The following DLG2 variants were observed in gnomAD, a reference collection of about 807,000 sequenced individuals.
DLG2 encodes disks large homolog 2.
A neutral mutation model predicts 132.5 loss-of-function variants in DLG2; 45 were observed. The ratio of observed to expected loss-of-function variants is 0.34; its 90% CI spans 0.27 to 0.44. DLG2 has a LOEUF of 0.44. DLG2 is among the 20% of genes least tolerant of loss of function. The pLI is 1.00. For missense variants in DLG2, 1,045 were observed against 1,196.9 expected, an observed-to-expected ratio of 0.87 and a Z score of 1.87; for synonymous variants, 424 against 419.6, an observed-to-expected ratio of 1.01 and a Z score of -0.13.
intron 6 of DLG2, among the ~76,000 whole-genome samples, chr11:84,706,773 A>G (rs887529513): frequency 6.6e-6 from 1 of 151,836 alleles, no homozygotes; most frequent in African/African-American, 2.4e-5. Context: ...TCTATTCATT[A>G]TCTCTTACTT....
intron 22 of DLG2, among the ~76,000 whole-genome samples, chr11:83,474,169 G>C (rs541609938): frequency 6.6e-6 from 1 of 152,188 alleles, no homozygotes; most frequent in East Asian, 1.9e-4. Context: ...AGGGGACTCT[G>C]CCACATTGGT....
At chr11:85,463,827 G>A (rs1184512590) in intron 3 of DLG2, among the ~76,000 whole-genome samples, 1 of 151,872 alleles carries the variant, frequency 6.6e-6, no homozygotes, top group Non-Finnish European at 1.5e-5. Flanking sequence ...ACATGAGAGA[G>A]AACTGTGTCA....
intron 6 of DLG2, among the ~76,000 whole-genome samples, chr11:85,105,538 A>G (rs2071594535): frequency 6.6e-6 from 1 of 151,810 alleles, no homozygotes; most frequent in Admixed American, 6.6e-5. Flanking sequence ...TTCTGAGATA[A>G]TTTCCCCTCT....
chr11:84,017,856 T>G (rs1335499436), intron 11 of DLG2, among the ~76,000 whole-genome samples: 1 of 152,020 alleles, frequency 6.6e-6, no homozygotes, highest in East Asian at 1.9e-4. Flanking sequence ...ATATTATCTT[T>G]CAGCTCTTTA....
intron 7 of DLG2, among the ~76,000 whole-genome samples, chr11:84,492,189 G>T (rs911679101): frequency 6.6e-6 from 1 of 152,004 alleles, no homozygotes; most frequent in African/African-American, 2.4e-5. Context: ...TGAATAAAAG[G>T]GTTTTTAAAA....
chr11:84,269,009 C>T (rs1012028191), intron 7 of DLG2, among the ~76,000 whole-genome samples: 1 of 139,138 alleles, frequency 7.2e-6, no homozygotes, highest in African/African-American at 2.7e-5. Context: ...TGTTTTATTT[C>T]TTTTGTTTTG....
intron 19 of DLG2, among the ~76,000 whole-genome samples, chr11:83,602,688 C>T (rs2058740807): frequency 6.6e-6 from 1 of 152,110 alleles, no homozygotes; most frequent in African/African-American, 2.4e-5. Context: ...CACAGCACAC[C>T]TCTGTGTAAA....
At chr11:84,583,171 C>T (rs1452848024) in intron 6 of DLG2, among the ~76,000 whole-genome samples, 2 of 152,168 alleles carry the variant, frequency 1.3e-5, no homozygotes, top group African/African-American at 4.8e-5. Context: ...TCTTTCAATT[C>T]CAGCTAAGAT....
chr11:84,056,931 G>C (rs546078462), intron 11 of DLG2, among the ~76,000 whole-genome samples: 32 of 152,256 alleles, frequency 2.1e-4, no homozygotes, highest in African/African-American at 7.7e-4. Context: ...AATTTCGCAA[G>C]AGCCTGCTTT....
intron 9 of DLG2, among the ~76,000 whole-genome samples, chr11:84,152,167 A>T (rs1242906219): frequency 6.6e-6 from 1 of 151,940 alleles, no homozygotes; most frequent in East Asian, 1.9e-4. Flanking sequence ...CACTATTATT[A>T]TGTGGCTAAG....
At chr11:84,429,566 G>A (rs1293496851) in intron 7 of DLG2, among the ~76,000 whole-genome samples, 1 of 152,098 alleles carries the variant, frequency 6.6e-6, no homozygotes, top group Non-Finnish European at 1.5e-5. Flanking sequence ...ATTTATAATG[G>A]TTTAATAATT....
At chr11:84,102,869 T>C (rs1404328073) in intron 9 of DLG2, among the ~76,000 whole-genome samples, 2 of 152,152 alleles carry the variant, frequency 1.3e-5, no homozygotes, top group Non-Finnish European at 2.9e-5. Flanking sequence ...ATTTAACCAC[T>C]GTTTTTCTTT....
At chr11:84,050,152 A>T (rs1317557049) in intron 11 of DLG2, among the ~76,000 whole-genome samples, 1 of 74,184 alleles carries the variant, frequency 1.3e-5, no homozygotes, top group African/African-American at 3.5e-5. Context: ...ACTACTGGAG[A>T]CTTTTTTTTT....
In DLG2 at chr11:84,502,323, T is replaced by C. The variant is rs1172880098; in HGVS notation, c.519+32247A>G. Among the ~76,000 whole-genome samples, 9 of 13,274 alleles carry C rather than the reference T, an allele frequency of 6.8e-4. No individual in the cohort carries two copies. In the South Asian group the frequency reaches 6.8e-3, roughly 10 times the overall value. The allele number at this position is 13,274 out of a possible 152,430, so 8.7% of individuals were successfully genotyped here. On this transcript the variant is annotated intron_variant, in intron 7 of 27. Transcript: ENST00000376104. ...CTTTCTTTCTTTCTTTCTTTCTTTC[T>C]TTCTTTCTTTCTTTCTTTCTTTCTT...
intron 16 of DLG2, among the ~76,000 whole-genome samples, chr11:83,860,475 G>A (rs2061276376): frequency 1.3e-5 from 2 of 152,288 alleles, no homozygotes; most frequent in East Asian, 3.9e-4. Context: ...CATGAGGCCT[G>A]TAGCCCCTTT....
rs1359236371 is a variant in DLG2, at chr11:85,142,948, GGTTT to G, written c.282+11604_282+11607del. Among the ~76,000 whole-genome samples, 6 of 151,780 alleles carry G rather than the reference GGTTT, an allele frequency of 4.0e-5. No homozygotes were observed. In the South Asian group the frequency reaches 1.2e-3, roughly 31 times the overall value. The stretch of plus-strand genomic sequence containing the variant: ...ATCCTTTTAATTTGTTATTGAATTT[GGTTT>G]GTGAGTATTTTGTTGAGGATTTTTG... On this transcript the variant is annotated intron_variant, in intron 5 of 27. Transcript: ENST00000376104.
intron 6 of DLG2, among the ~76,000 whole-genome samples, chr11:84,857,773 G>A (rs1458314378): frequency 6.6e-6 from 1 of 152,024 alleles, no homozygotes; most frequent in Non-Finnish European, 1.5e-5. Flanking sequence ...TGTCTTAAAG[G>A]AGGAACCAAG....
intron 14 of DLG2, among the ~76,000 whole-genome samples, chr11:83,949,313 T>C (rs554052843): frequency 1.3e-5 from 2 of 152,162 alleles, no homozygotes; most frequent in Non-Finnish European, 2.9e-5. Context: ...ATGTTGTATG[T>C]GATAACTACA....
chr11:85,236,674 T>A (rs968327236), intron 4 of DLG2, among the ~76,000 whole-genome samples: 2 of 152,040 alleles, frequency 1.3e-5, no homozygotes, highest in African/African-American at 4.8e-5. Flanking sequence ...TTTATGCATG[T>A]TCTTAATTAA....
Sources: gnomAD v4.1 joint callset for allele counts (sites outside exome capture counted in the v4.1 genomes callset) on GRCh38, gnomAD v4.1.1 for gene constraint, MANE v1.5 for transcripts, NCBI Gene and HGNC (gene_info 2026-07-23, HGNC 2026-07-21) for gene names.